Variants in TOX2 observed in about 807,000 individuals in gnomAD.
TOX2 encodes the protein TOX high mobility group box family member 2.
Under a neutral mutation model 47.4 loss-of-function variants are expected in TOX2, and 15 were observed. The ratio of observed to expected loss-of-function variants is 0.32; its 90% CI spans 0.21 to 0.49. The LOEUF is 0.49. Among genes scored for constraint, TOX2 ranks in the 20% least tolerant of loss-of-function variants. The pLI is 0.99. For missense variants in TOX2, 622 were observed against 673.1 expected, an observed-to-expected ratio of 0.92 and a Z score of 0.84; for synonymous variants, 290 against 296.6, an observed-to-expected ratio of 0.98 and a Z score of 0.23.
chr20:43,953,027 G>A (rs1166438234), intron 1 of TOX2, among the ~76,000 whole-genome samples: 1 of 152,066 alleles, frequency 6.6e-6, no homozygotes, highest in Non-Finnish European at 1.5e-5. Flanking sequence ...AAGGTGATGT[G>A]AGGATGGAAG....
intron 1 of TOX2, among the ~76,000 whole-genome samples, chr20:43,935,829 AG>A (rs1395817922): frequency 6.8e-6 from 1 of 147,230 alleles, no homozygotes; most frequent in African/African-American, 2.5e-5. Context: ...CAGGAGGCTG[AG>A]GCAGGAGAAT....
chr20:43,964,872 C>T (rs1246349911), intron 1 of TOX2, among the ~76,000 whole-genome samples: 2 of 152,192 alleles, frequency 1.3e-5, no homozygotes, highest in African/African-American at 2.4e-5. Flanking sequence ...GTCATATTCC[C>T]TGCTCCTTGC....
At chr20:44,054,138 G>GGT (rs1386751665) in intron 4 of TOX2, among the ~76,000 whole-genome samples, 161 bp from the exon 5 acceptor site, 1 of 151,914 alleles carries the variant, frequency 6.6e-6, no homozygotes, top group Non-Finnish European at 1.5e-5. Context: ...ACCCACCCAG[G>GGT]GTGTGTGTGT....
chr20:43,990,483 A>G (rs2070350665), intron 2 of TOX2, among the ~76,000 whole-genome samples: 1 of 152,326 alleles, frequency 6.6e-6, no homozygotes, highest in East Asian at 1.9e-4. Context: ...ACTGGGCCCC[A>G]TTTGTGGTGC....
At chr20:43,968,952 A>C (rs909087919) in intron 1 of TOX2, among the ~76,000 whole-genome samples, 10 of 152,236 alleles carry the variant, frequency 6.6e-5, no homozygotes, top group African/African-American at 2.4e-4. Context: ...TATGCATAGA[A>C]TTGAAGTTCA....
In TOX2 at chr20:44,069,223, A is replaced by T. The variant is rs1249149567; in HGVS notation, c.*537A>T. 1.2e-5 allele frequency: 3 copies of T among 244,736 alleles called. No individual in the cohort carries two copies. The highest frequency in any genetic ancestry group is 2.2e-5 in the African/African-American group (1 of 44,464). 15.2% of individuals were successfully genotyped at this position (244,736 alleles called of 1,614,324 possible). On this transcript the variant is annotated 3_prime_UTR_variant, in exon 9 of 9. Coordinates refer to ENST00000341197, the MANE Select transcript of TOX2 (RefSeq NM_001098797.2). ...TGTAAGACTATTTTGTGGGGGAAAA[A>T]AGTAGTTTCCTTTAAGGTAAAAAGC...
chr20:43,963,869 GATTTGC>G (rs2069804494), intron 1 of TOX2, among the ~76,000 whole-genome samples: 1 of 152,118 alleles, frequency 6.6e-6, no homozygotes, highest in Non-Finnish European at 1.5e-5. Context: ...AGACCTCAGA[GATTTGC>G]ACAAAGCCCC....
Position 44,051,294 on chromosome 20 carries a change from C to G in TOX2, c.412-12C>G. 11 of 1,594,710 alleles carry G rather than the reference C, an allele frequency of 6.9e-6. No homozygotes were observed. Among genetic ancestry groups the G allele is most frequent in the Non-Finnish European group, 9.4e-6 (11 of 1,166,844 alleles). On this transcript the variant is annotated splice_polypyrimidine_tract_variant and intron_variant, in intron 3 of 8. Transcript: ENST00000341197. Reference sequence around the variant, plus strand: ...TCCTTCCTAACTCAACCCTCCTGTCCTCCTCTCTTAGATCCAGGAGATGGT... The same window carrying G: ...TCCTTCCTAACTCAACCCTCCTGTCGTCCTCTCTTAGATCCAGGAGATGGT...
At chr20:44,060,244 T>G (rs2071694041) in intron 5 of TOX2, among the ~76,000 whole-genome samples, 1 of 151,946 alleles carries the variant, frequency 6.6e-6, no homozygotes, top group Non-Finnish European at 1.5e-5. Context: ...GCTCCCAAAT[T>G]TAAAAAAATA....
intron 1 of TOX2, among the ~76,000 whole-genome samples, chr20:43,953,809 C>T (rs144322905): frequency 1.0e-3 from 157 of 152,132 alleles, no homozygotes; most frequent in East Asian, 9.1e-3. Context: ...AGCAGGGGGG[C>T]GACTATGGAT....
chr20:43,957,570 T>TGG (rs34554632), intron 1 of TOX2, among the ~76,000 whole-genome samples: 2 of 110,234 alleles, frequency 1.8e-5, no homozygotes, highest in South Asian at 2.5e-4. Context: ...ATGCCCTCTT[T>TGG]TTTTTTTTTT....
At chr20:44,047,085 A>G (rs887925259) in intron 3 of TOX2, among the ~76,000 whole-genome samples, 7 of 152,216 alleles carry the variant, frequency 4.6e-5, no homozygotes, top group Non-Finnish European at 8.8e-5. Flanking sequence ...AAAATCATCA[A>G]TGTAGACTAT....
intron 3 of TOX2, among the ~76,000 whole-genome samples, chr20:44,024,056 T>C (rs1352321072): frequency 1.3e-5 from 2 of 152,188 alleles, no homozygotes; most frequent in Non-Finnish European, 2.9e-5. Flanking sequence ...AAGATGACTA[T>C]TACACTGAGT....
intron 1 of TOX2, among the ~76,000 whole-genome samples, chr20:43,931,900 A>G (rs1163846845): frequency 6.6e-6 from 1 of 152,250 alleles, no homozygotes; most frequent in Non-Finnish European, 1.5e-5. Context: ...CGCTAGCCAC[A>G]TGTGGGTATT....
intron 1 of TOX2, among the ~76,000 whole-genome samples, chr20:43,968,820 C>A (rs1047294963): frequency 1.3e-5 from 2 of 152,056 alleles, no homozygotes; most frequent in Non-Finnish European, 2.9e-5. Context: ...GTTCTCCTGG[C>A]GTTCATGGAA....
chr20:44,013,188 G>A (rs1417435288), intron 3 of TOX2, among the ~76,000 whole-genome samples: 1 of 152,104 alleles, frequency 6.6e-6, no homozygotes, highest in African/African-American at 2.4e-5. Context: ...ACCTTGGAGT[G>A]GGGACTTGAT....
At chr20:43,931,051 G>C (rs1459437295) in intron 1 of TOX2, among the ~76,000 whole-genome samples, 1 of 152,156 alleles carries the variant, frequency 6.6e-6, no homozygotes, top group Non-Finnish European at 1.5e-5. Context: ...GTTTGCTCAT[G>C]GGTGGAGCCT....
chr20:43,939,302 T>C (rs2069371156), intron 1 of TOX2, among the ~76,000 whole-genome samples: 1 of 152,222 alleles, frequency 6.6e-6, no homozygotes, highest in African/African-American at 2.4e-5. Context: ...TAATTGCATC[T>C]ACTTAATTTG....
At chr20:44,036,921 CCT>C (rs2071250767) in intron 3 of TOX2, among the ~76,000 whole-genome samples, 2 of 152,252 alleles carry the variant, frequency 1.3e-5, no homozygotes, top group Admixed American at 1.3e-4. Context: ...GCATCCCTCT[CCT>C]CTCAGATTTC....
Sources: gnomAD v4.1 joint callset for allele counts (sites outside exome capture counted in the v4.1 genomes callset) on GRCh38, gnomAD v4.1.1 for gene constraint, MANE v1.5 for transcripts, NCBI Gene and HGNC (gene_info 2026-07-23, HGNC 2026-07-21) for gene names.